Variants in FCHSD2 observed in about 807,000 individuals in gnomAD.
FCHSD2 encodes the protein F-BAR and double SH3 domains protein 2.
A neutral mutation model predicts 108.1 loss-of-function variants in FCHSD2; 38 were observed. That is an observed-to-expected ratio of 0.35 (90% CI 0.27 to 0.46). FCHSD2 has a LOEUF of 0.46. Among genes scored for constraint, FCHSD2 ranks in the 20% least tolerant of loss-of-function variants. FCHSD2 has a pLI of 1.00. For synonymous variants in FCHSD2, 279 were observed against 314.7 expected (o/e 0.89, Z 1.20); for missense variants, 751 against 897.8 (o/e 0.84, Z 2.09).
chr11:72,982,154 G>C (rs11235625), intron 8 of FCHSD2, among the ~76,000 whole-genome samples: 34,088 of 152,082 alleles, frequency 0.22, 4,600 homozygotes, highest in Middle Eastern at 0.37. Context: ...TTCAGGCAGT[G>C]AACAAAAAGG....
chr11:73,030,594 T>C (rs753356618), intron 3 of FCHSD2, among the ~76,000 whole-genome samples: 5 of 152,130 alleles, frequency 3.3e-5, no homozygotes, highest in African/African-American at 4.8e-5. Flanking sequence ...GTAAAGATGG[T>C]GGTGGTCAAT....
chr11:72,925,372 A>G (rs1856056074), intron 8 of FCHSD2, among the ~76,000 whole-genome samples: 2 of 152,172 alleles, frequency 1.3e-5, no homozygotes, highest in African/African-American at 4.8e-5. Flanking sequence ...CCTACTTTAA[A>G]AATTCCAGCT....
rs1859532601 is a variant in FCHSD2, at chr11:73,075,651, C to A, written c.165+8044G>T. On this transcript the variant is annotated intron_variant, in intron 3 of 19. Coordinates refer to ENST00000409418, the MANE Select transcript of FCHSD2 (RefSeq NM_014824.3). The stretch of plus-strand genomic sequence containing the variant: ...ACCAACATAGCAAAACCCATCTCTA[C>A]TAAAAATACAAAAATTAGCTGGGAG... Among the ~76,000 whole-genome samples the A allele has an allele frequency of 2.6e-5, 4 of 151,872 alleles. No homozygotes were observed. In the South Asian group the frequency reaches 8.3e-4, roughly 32 times the overall value.
At chr11:73,102,602 C>G (rs1199016210) in intron 2 of FCHSD2, among the ~76,000 whole-genome samples, 1 of 152,210 alleles carries the variant, frequency 6.6e-6, no homozygotes, top group Non-Finnish European at 1.5e-5. Flanking sequence ...AACAGTATTA[C>G]AAGCTGAGAC....
At chr11:73,071,599 G>A (rs991748281) in intron 3 of FCHSD2, among the ~76,000 whole-genome samples, 1 of 152,050 alleles carries the variant, frequency 6.6e-6, no homozygotes, top group Non-Finnish European at 1.5e-5. Flanking sequence ...TACTCGGGGG[G>A]CTGAGGCAGG....
At position 73,107,398 on chromosome 11, in the gene FCHSD2, T is replaced by C. The variant is rs1055515002; in HGVS notation, c.120-23658A>G. 3.9e-5 allele frequency among the ~76,000 whole-genome samples: 6 copies of C among 152,284 alleles called. No homozygotes were observed. The South Asian group carries it at 1.2e-3, about 32-fold the overall frequency. ...GGTATACAGCAGGTGTATATATAGA[T>C]GAGGACATGAGATATTTTGATACAG... On this transcript the variant is annotated intron_variant, in intron 2 of 19. Transcript: ENST00000409418.
intron 8 of FCHSD2, among the ~76,000 whole-genome samples, chr11:72,926,722 T>C (rs747886740): frequency 1.3e-5 from 2 of 152,202 alleles, no homozygotes; most frequent in Non-Finnish European, 2.9e-5. Flanking sequence ...GGACAAGAAC[T>C]TGGGCAAAGG....
At chr11:73,122,882 T>C (rs1284693159) in intron 2 of FCHSD2, among the ~76,000 whole-genome samples, 1 of 152,246 alleles carries the variant, frequency 6.6e-6, no homozygotes, top group South Asian at 2.1e-4. Flanking sequence ...ATATGCAGAT[T>C]AAGTAAATGT....
At position 72,887,542 on chromosome 11, in the gene FCHSD2, A is replaced by G. The variant is rs759811879; in HGVS notation, c.1074T>C (p.Ala358=). 6.3e-7 allele frequency: 1 copy of G among 1,599,978 alleles called. No individual in the cohort carries two copies. The highest frequency in any genetic ancestry group is 1.3e-5 in the African/African-American group (1 of 74,182). The change falls in exon 12 of 20, where the codon GCT becomes GCC. Residue 358 remains alanine, a synonymous_variant. Transcript: ENST00000409418. The part of the protein sequence containing the change: ...VLNDLECHGA[A]VSEQSRAELE... ...GCTCTGCTCGGCTTTGTTCTGATAC[A>G]GCAGCTCCATGACACTCCAGATCAT...
intron 3 of FCHSD2, among the ~76,000 whole-genome samples, chr11:73,053,149 T>C (rs1208353046): frequency 1.3e-5 from 2 of 150,294 alleles, no homozygotes; most frequent in Non-Finnish European, 3.0e-5. Context: ...CCCAGCCTTT[T>C]TTTTTTTTTT....
intron 13 of FCHSD2, among the ~76,000 whole-genome samples, chr11:72,852,325 G>T (rs1411041687): frequency 6.6e-6 from 1 of 152,150 alleles, no homozygotes; most frequent in Non-Finnish European, 1.5e-5. Context: ...ATTCCTCAAA[G>T]AGCTAAAAAC....
At chr11:73,110,139 GT>G (rs2135544545) in intron 2 of FCHSD2, among the ~76,000 whole-genome samples, 1 of 144,226 alleles carries the variant, frequency 6.9e-6, no homozygotes, top group African/African-American at 2.5e-5. Flanking sequence ...ATACTGGTCT[GT>G]AGTTTTCTTC....
At chr11:72,839,048 T>C (rs1347799112) in intron 19 of FCHSD2, among the ~76,000 whole-genome samples, 174 bp from the exon 20 acceptor site, 2 of 152,198 alleles carry the variant, frequency 1.3e-5, no homozygotes, top group Admixed American at 6.5e-5. Flanking sequence ...TGAGAAGCAG[T>C]TGTTCTCAAT....
At chr11:72,845,459 A>AC (rs1395702144) in intron 14 of FCHSD2, among the ~76,000 whole-genome samples, 1 of 30,268 alleles carries the variant, frequency 3.3e-5, no homozygotes, top group African/African-American at 6.4e-5. Context: ...AAAAAAAAAA[A>AC]AACAACAACA....
At chr11:73,092,820 G>A (rs1859988680) in intron 2 of FCHSD2, among the ~76,000 whole-genome samples, 1 of 152,090 alleles carries the variant, frequency 6.6e-6, no homozygotes, top group African/African-American at 2.4e-5. Context: ...ATACAGTAAA[G>A]GATTAACCCT....
chr11:72,992,796 A>G (rs1019498522), intron 5 of FCHSD2, among the ~76,000 whole-genome samples: 32 of 152,398 alleles, frequency 2.1e-4, no homozygotes, highest in African/African-American at 7.2e-4. Context: ...ACCTAAAACC[A>G]TAAAAACCCT....
At chr11:73,136,189 A>T (rs2135577052) in intron 2 of FCHSD2, among the ~76,000 whole-genome samples, 1 of 150,466 alleles carries the variant, frequency 6.6e-6, no homozygotes, top group South Asian at 2.1e-4. Flanking sequence ...GAAAGAAAAA[A>T]GAAGGGACGT....
chr11:73,058,546 A>G (rs1859085952), intron 3 of FCHSD2, among the ~76,000 whole-genome samples: 1 of 151,700 alleles, frequency 6.6e-6, no homozygotes, highest in Non-Finnish European at 1.5e-5. Context: ...TCTTGGCTAT[A>G]TAATCATTCT....
chr11:72,931,328 A>C (rs1207701889), intron 8 of FCHSD2, among the ~76,000 whole-genome samples: 1 of 147,876 alleles, frequency 6.8e-6, no homozygotes, highest in Non-Finnish European at 1.5e-5. Context: ...GCTGGTCTCA[A>C]GCTCCTGACC....
Sources: gnomAD v4.1 joint callset for allele counts (sites outside exome capture counted in the v4.1 genomes callset) on GRCh38, gnomAD v4.1.1 for gene constraint, MANE v1.5 for transcripts, NCBI Gene and HGNC (gene_info 2026-07-23, HGNC 2026-07-21) for gene names.